MYH16: variants seen among roughly 807,000 people sequenced by gnomAD.
The protein encoded by MYH16 is myosin heavy chain 16, also known as putative uncharacterized protein MYH16.
chr7:99,297,690 G>A (rs925246606), exon 35 of MYH16: 1 of 456,504 alleles, frequency 2.2e-6, no homozygotes, highest in African/African-American at 2.0e-5. Context: ...GATCAGCTGG[G>A]TGAGGGAGGA....
intron 32 of MYH16, among the ~76,000 whole-genome samples, chr7:99,293,555 C>T (rs1304725370): frequency 2.6e-5 from 4 of 152,188 alleles, no homozygotes; most frequent in Admixed American, 1.3e-4. Flanking sequence ...CCCCTCCATT[C>T]CCTGGCTTAG....
chr7:99,297,033 A>C, intron 34 of MYH16, 116 bp downstream of exon 15: 1 of 375,892 alleles, frequency 2.7e-6, no homozygotes, highest in Non-Finnish European at 5.3e-6. Flanking sequence ...GTGCTCAATA[A>C]ATGTTGACTT....
intron 37 of MYH16, among the ~76,000 whole-genome samples, chr7:99,299,927 TTTTA>T (rs61663432): frequency 0.22 from 30,643 of 137,976 alleles, 3,492 homozygotes; most frequent in Non-Finnish European, 0.24. Context: ...TTTTATTTTA[TTTTA>T]TTTATTTATT....
At chr7:99,248,128 G>A (rs934964475) in intron 3 of MYH16, among the ~76,000 whole-genome samples, 1 of 152,106 alleles carries the variant, frequency 6.6e-6, no homozygotes, top group Non-Finnish European at 1.5e-5. Flanking sequence ...TTTTGAGATA[G>A]AGTTTCGCTC....
At chr7:99,285,085 G>T in intron 26 of MYH16, 150 bp downstream of exon 8, 1 of 397,988 alleles carries the variant, frequency 2.5e-6, no homozygotes, top group Admixed American at 2.8e-5. Context: ...CCCTCACTAG[G>T]GGTGAAATCC....
At chr7:99,249,292 A>G (rs941134704) in intron 4 of MYH16, among the ~76,000 whole-genome samples, 6 of 151,868 alleles carry the variant, frequency 4.0e-5, no homozygotes, top group African/African-American at 1.2e-4. Flanking sequence ...CACACCTGTA[A>G]TCCCAGGGCT....
intron 28 of MYH16, among the ~76,000 whole-genome samples, chr7:99,287,533 C>CAAAAA (rs397889162): frequency 2.1e-5 from 1 of 46,894 alleles, no homozygotes; most frequent in African/African-American, 6.7e-5. Context: ...AACTTCTTCT[C>CAAAAA]AAAAAAAAAA....
chr7:99,299,210 C>T (rs1410960581), intron 36 of MYH16, among the ~76,000 whole-genome samples: 2 of 152,182 alleles, frequency 1.3e-5, no homozygotes, highest in African/African-American at 2.4e-5. Flanking sequence ...CACACTACTA[C>T]ACCATCACAG....
intron 30 of MYH16, among the ~76,000 whole-genome samples, chr7:99,290,438 GATTGTGCC>G (rs1383436750): frequency 2.8e-5 from 4 of 143,132 alleles, no homozygotes; most frequent in Non-Finnish European, 6.0e-5. Flanking sequence ...AATGAGTTAT[GATTGTGCC>G]ACTGCACTCC....
chr7:99,277,573 AG>A (rs1264811379), exon 21 of MYH16: 1 of 456,700 alleles, frequency 2.2e-6, no homozygotes, highest in Non-Finnish European at 4.4e-6. Flanking sequence ...CGGCAAGAAG[AG>A]GAGATGAAGG....
At chr7:99,249,643 C>A (rs1317600175) in intron 4 of MYH16, among the ~76,000 whole-genome samples, 5 of 147,762 alleles carry the variant, frequency 3.4e-5, no homozygotes, top group Middle Eastern at 6.9e-3. Flanking sequence ...GCAGCCTCCA[C>A]CTCCTGGGTT....
rs117885067 is a variant in MYH16 at position 99,290,037 on chromosome 7, G to A, written n.3824+633G>A. Among the ~76,000 whole-genome samples, 1,475 of 152,264 alleles carry A rather than the reference G, an allele frequency of 9.7e-3. 11 individuals carry two copies. The highest frequency in any genetic ancestry group is 0.014 in the Non-Finnish European group (973 of 68,026). ...TAATTTCTAACTTTGCAGAAGCTGT[G>A]CTCTAATCACACAGGGGTAAACAGT... On this transcript the variant is annotated intron_variant and non_coding_transcript_variant, in intron 30 of 41. Transcript: ENST00000439784.
At chr7:99,269,689 A>G (rs1792024758) in intron 18 of MYH16, among the ~76,000 whole-genome samples, 1 of 152,080 alleles carries the variant, frequency 6.6e-6, no homozygotes, top group Admixed American at 6.6e-5. Flanking sequence ...TTCCTCCATG[A>G]CGTGCTTTTA....
At chr7:99,243,254 GC>G (rs2150804400) in intron 1 of MYH16, 1 of 153,002 alleles carries the variant, frequency 6.5e-6, no homozygotes, top group South Asian at 2.1e-4. Context: ...TGATGCCTGT[GC>G]TGCTGTGTCT....
At chr7:99,306,688 T>C (rs987894611) in exon 42 of MYH16, 2 of 152,870 alleles carry the variant, frequency 1.3e-5, no homozygotes, top group African/African-American at 4.8e-5. Context: ...CGGGCTGGCA[T>C]GGCAGAGACT....
chr7:99,302,706 C>T (rs1034391098), intron 38 of MYH16, among the ~76,000 whole-genome samples: 1 of 151,852 alleles, frequency 6.6e-6, no homozygotes, highest in Non-Finnish European at 1.5e-5. Flanking sequence ...CATAGCCAGA[C>T]TCTGTCTCTA....
intron 30 of MYH16, among the ~76,000 whole-genome samples, chr7:99,289,813 G>T (rs914107273): frequency 2.6e-5 from 4 of 152,182 alleles, no homozygotes; most frequent in African/African-American, 9.6e-5. Context: ...TTTACAGTCA[G>T]CTGGGAAAAG....
chr7:99,307,601 G>A (rs1049690514), downstream of MYH16, among the ~76,000 whole-genome samples: 3 of 152,008 alleles, frequency 2.0e-5, no homozygotes, highest in Non-Finnish European at 2.9e-5. Context: ...GTGCACACCT[G>A]TAGTCCCAGT....
intron 32 of MYH16, 145 bp from the exon 14 acceptor site, chr7:99,293,873 G>T: frequency 3.3e-6 from 1 of 303,700 alleles, no homozygotes; most frequent in Non-Finnish European, 6.5e-6. Context: ...GACAGCTGTG[G>T]CTGTCCTGTA....
Sources: allele counts gnomAD v4.1 joint callset (sites outside exome capture counted in the v4.1 genomes callset), GRCh38; gene constraint gnomAD v4.1.1; transcripts MANE v1.5; gene names NCBI Gene and HGNC (gene_info 2026-07-23, HGNC 2026-07-21).